Variants in ANO1 observed in about 807,000 individuals in gnomAD.
The protein encoded by ANO1 is anoctamin-1.
ANO1 carries 59 observed loss-of-function variants against 124.0 expected under a neutral mutation model. The ratio of observed to expected loss-of-function variants is 0.48; its 90% CI spans 0.39 to 0.59. The LOEUF (loss-of-function observed/expected upper bound fraction) is 0.59. ANO1 is among the 20% of genes least tolerant of loss of function. The pLI, the probability that ANO1 is intolerant of heterozygous loss-of-function variation, is 0.00. For synonymous variants in ANO1, 529 were observed against 532.0 expected (o/e 0.99, Z 0.08); for missense variants, 1,059 against 1,328.0 (o/e 0.80, Z 3.15).
rs1324464779 is a variant in ANO1, at chr11:70,189,459, A to G, written c.*1455A>G. The stretch of plus-strand genomic sequence containing the variant: ...TCCTTTTATGGAAACCATTTTTTTA[A>G]AAAGTGAATGTACACAAATCCACAG... On this transcript the variant is annotated 3_prime_UTR_variant, in exon 26 of 26. Coordinates refer to ENST00000355303, the MANE Select transcript of ANO1 (RefSeq NM_018043.7). 1 of 152,676 alleles carries G rather than the reference A, an allele frequency of 6.5e-6. No homozygotes were observed. Among genetic ancestry groups the G allele is most frequent in the Non-Finnish European group, 1.5e-5 (1 of 68,044 alleles). 9.5% of individuals were successfully genotyped at this position (152,676 alleles called of 1,614,324 possible).
chr11:70,146,209 C>T (rs1206119515), intron 11 of ANO1, among the ~76,000 whole-genome samples: 1 of 152,198 alleles, frequency 6.6e-6, no homozygotes, highest in Non-Finnish European at 1.5e-5. Flanking sequence ...CCAATGGCTG[C>T]TGCTCCCCTG....
At chr11:70,115,890 G>C (rs1210446802) in intron 7 of ANO1, among the ~76,000 whole-genome samples, 1 of 152,132 alleles carries the variant, frequency 6.6e-6, no homozygotes, top group East Asian at 1.9e-4. Context: ...TGAAGGTCTG[G>C]ATCCAAGTCA....
At chr11:70,165,618 A>T in intron 20 of ANO1, 48 bp downstream of exon 20, 1 of 1,510,884 alleles carries the variant, frequency 6.6e-7, no homozygotes, top group Non-Finnish European at 9.0e-7. Context: ...GGCCAGGCGG[A>T]GGGGTGTGTG....
intron 11 of ANO1, among the ~76,000 whole-genome samples, chr11:70,145,434 T>C (rs547982627): frequency 9.9e-5 from 15 of 152,240 alleles, no homozygotes; most frequent in African/African-American, 3.4e-4. Context: ...AAGCAGGAAA[T>C]GCATAATTTT....
chr11:70,040,989 C>A (rs995119968), intron 1 of ANO1, among the ~76,000 whole-genome samples: 3 of 152,146 alleles, frequency 2.0e-5, no homozygotes, highest in Non-Finnish European at 2.9e-5. Context: ...GTTCTGGGAG[C>A]TTGGTGGGGA....
At chr11:70,102,972 G>T in intron 2 of ANO1, 94 bp from the exon 3 acceptor site, 2 of 848,238 alleles carry the variant, frequency 2.4e-6, no homozygotes, top group Non-Finnish European at 3.8e-6. Context: ...CACAGTAGCT[G>T]CTCGATAAAT....
At chr11:70,085,669 A>T in intron 1 of ANO1, 1 of 1,478,920 alleles carries the variant, frequency 6.8e-7, no homozygotes. Context: ...CACCTATGAA[A>T]GGTGGGGCAG....
intron 7 of ANO1, among the ~76,000 whole-genome samples, chr11:70,113,715 C>T (rs1397713790): frequency 6.6e-6 from 1 of 152,020 alleles, no homozygotes; most frequent in Non-Finnish European, 1.5e-5. Context: ...TTTGAGTTAG[C>T]CCTTTAAGTC....
chr11:69,997,774 G>A (rs2120343004), intron 1 of ANO1, among the ~76,000 whole-genome samples: 1 of 152,236 alleles, frequency 6.6e-6, no homozygotes, highest in South Asian at 2.1e-4. Context: ...TGTTTTAAAA[G>A]TGTGTCATAC....
At chr11:70,019,247 A>ACACACACACACATT (rs1856757476) in intron 1 of ANO1, among the ~76,000 whole-genome samples, 1 of 102,888 alleles carries the variant, frequency 9.7e-6, no homozygotes, top group Admixed American at 9.8e-5. Flanking sequence ...ACCCCCCCAC[A>ACACACACACACATT]CACACACACA....
intron 1 of ANO1, chr11:70,056,630 G>T (rs1450483521): frequency 6.6e-6 from 1 of 152,016 alleles, no homozygotes; most frequent in Non-Finnish European, 1.5e-5. Flanking sequence ...CCCTGTTTTG[G>T]GTTCATAGAG....
At chr11:69,970,829 G>A in the ANO1 span, among the ~76,000 whole-genome samples, 12 of 152,306 alleles carry the variant, frequency 7.9e-5, no homozygotes, top group Admixed American at 6.5e-4. Flanking sequence ...CTCTCAGGCC[G>A]CCCTCCCATG....
chr11:69,969,523 C>T, the ANO1 span, among the ~76,000 whole-genome samples: 2 of 152,150 alleles, frequency 1.3e-5, no homozygotes, highest in African/African-American at 2.4e-5. Flanking sequence ...CTACTGCCCC[C>T]GTCTCTCTTT....
chr11:70,050,221 C>T (rs782316777), intron 1 of ANO1, among the ~76,000 whole-genome samples: 1 of 152,192 alleles, frequency 6.6e-6, no homozygotes, highest in Non-Finnish European at 1.5e-5. Context: ...TAGCCAAACC[C>T]TGAAATCCAT....
At position 70,116,492 on chromosome 11, in the gene ANO1, A is replaced by G; in HGVS notation, c.890A>G (p.Asp297Gly). The G allele has an allele frequency of 6.3e-7, 1 of 1,596,314 alleles. No homozygotes were observed. Among genetic ancestry groups the G allele is most frequent in the South Asian group, 1.1e-5 (1 of 87,748 alleles). ...AACGGTGAAAACGTCGAGTTCAACG[A>G]CAGAAAAGTAAGTTGATGGAGCGGA... ...DYNGENVEFN[D>G]RKLLYEEWAR... The change falls in exon 8 of 26, where the codon GAC becomes GGC. Residue 297 changes from aspartate to glycine, a missense_variant. Asp to Gly is a moderately conservative substitution (Grantham distance 94, BLOSUM62 -1). Around this residue, in one of 2 missense-constraint regions of ANO1, gnomAD observed 809 missense variants for 1,094.9 expected, o/e 0.74. Transcript: ENST00000355303.
At chr11:70,010,593 T>C (rs142028252) in intron 1 of ANO1, among the ~76,000 whole-genome samples, 22 of 152,188 alleles carry the variant, frequency 1.4e-4, no homozygotes, top group Non-Finnish European at 2.9e-4. Context: ...CTCAGTGGTA[T>C]ACAGGAAGCT....
the ANO1 span, among the ~76,000 whole-genome samples, chr11:69,976,136 TC>T: frequency 3.9e-5 from 6 of 152,130 alleles, no homozygotes; most frequent in Non-Finnish European, 5.9e-5. Flanking sequence ...CCCCTTACAT[TC>T]CTGTTAAAGG....
intron 2 of ANO1, among the ~76,000 whole-genome samples, chr11:70,101,695 AG>A (rs1026347042): frequency 1.5e-4 from 22 of 151,054 alleles, no homozygotes; most frequent in Non-Finnish European, 3.1e-4. Context: ...CAAGGGGTCC[AG>A]AACCCAGGTC....
chr11:69,978,973 T>C, the ANO1 span, among the ~76,000 whole-genome samples: 2 of 152,344 alleles, frequency 1.3e-5, no homozygotes, highest in East Asian at 3.9e-4. Flanking sequence ...TCTTTGATCA[T>C]ATATTGAGTG....
Sources: gnomAD v4.1 joint callset for allele counts (sites outside exome capture counted in the v4.1 genomes callset) on GRCh38, gnomAD v4.1.1 for gene constraint, gnomAD v4.1.1 regional missense constraint, MANE v1.5 for transcripts, NCBI Gene and HGNC (gene_info 2026-07-23, HGNC 2026-07-21) for gene names.